The following USH2A variants were observed in gnomAD, a reference collection of about 807,000 sequenced individuals.
USH2A encodes the protein usherin, also known as Usher syndrome 2A (autosomal recessive, mild).
A neutral mutation model predicts 538.9 loss-of-function variants in USH2A; 443 were observed. That is an observed-to-expected ratio of 0.82 (90% CI 0.76 to 0.89). The LOEUF is 0.89. USH2A is among the 40% of genes least tolerant of loss of function. The pLI is 0.00. For missense variants in USH2A, 6,633 were observed against 6,324.8 expected (o/e 1.05, Z -1.65); for synonymous variants, 2,413 against 2,273.5 (o/e 1.06, Z -1.75).
At chr1:216,196,811 C>T in intron 18 of USH2A, 89 bp from the exon 19 acceptor site, 1 of 1,412,730 alleles carries the variant, frequency 7.1e-7, no homozygotes, top group Non-Finnish European at 9.8e-7. Flanking sequence ...CATTTAGTTT[C>T]TGAAATACCT....
intron 37 of USH2A, among the ~76,000 whole-genome samples, chr1:215,939,852 A>ACAGC (rs1348424044): frequency 6.6e-6 from 1 of 151,972 alleles, no homozygotes; most frequent in Non-Finnish European, 1.5e-5. Context: ...TCTCCTTTTT[A>ACAGC]CAGCCTTATT....
At chr1:216,249,939 G>A (rs1252179515) in intron 12 of USH2A, among the ~76,000 whole-genome samples, 2 of 151,920 alleles carry the variant, frequency 1.3e-5, no homozygotes, top group Non-Finnish European at 2.9e-5. Context: ...ACTATTGTAA[G>A]GTTCAGGTCA....
chr1:215,717,167 C>T (rs1659509701), intron 61 of USH2A, among the ~76,000 whole-genome samples: 1 of 152,142 alleles, frequency 6.6e-6, no homozygotes, highest in Admixed American at 6.5e-5. Context: ...TCCTTATTGG[C>T]TCTTAGACAA....
At chr1:216,357,747 C>T (rs2038415945) in intron 4 of USH2A, among the ~76,000 whole-genome samples, 1 of 152,070 alleles carries the variant, frequency 6.6e-6, no homozygotes, top group Admixed American at 6.6e-5. Flanking sequence ...TCAGAAATAA[C>T]TGGGAAAAGT....
At chr1:216,163,480 A>G (rs573094964) in intron 21 of USH2A, among the ~76,000 whole-genome samples, 15 of 151,592 alleles carry the variant, frequency 9.9e-5, no homozygotes, top group East Asian at 3.9e-4. Context: ...TTTTTATTTT[A>G]TTTATCTTAT....
At chr1:216,341,036 G>C (rs920646777) in intron 4 of USH2A, among the ~76,000 whole-genome samples, 1 of 152,074 alleles carries the variant, frequency 6.6e-6, no homozygotes, top group African/African-American at 2.4e-5. Context: ...ATTCAAACAG[G>C]AAGAGAGGAA....
intron 5 of USH2A, among the ~76,000 whole-genome samples, chr1:216,326,611 C>G (rs1411940047): frequency 1.3e-5 from 2 of 152,114 alleles, no homozygotes; most frequent in African/African-American, 4.8e-5. Flanking sequence ...TATAGTAAGG[C>G]TTTTGGCAGT....
Position 215,776,245 on chromosome 1 carries a change from A to T in USH2A, c.10939+3598T>A, listed in dbSNP as rs545621750. On this transcript the variant is annotated intron_variant, in intron 55 of 71. Transcript: ENST00000307340. ...TGTTTGCATTAGCGAATATGAGAAG[A>T]TGATGGCTGCTACTCCTTCGTCCCC... is the stretch of plus-strand genomic sequence containing the variant. 5.6e-4 allele frequency among the ~76,000 whole-genome samples: 86 copies of T among 152,310 alleles called. 1 individual carries two copies. The Middle Eastern group carries it at 0.01, about 18-fold the overall frequency.
intron 61 of USH2A, 121 bp from the exon 62 acceptor site, chr1:215,680,497 C>A: frequency 1.1e-6 from 1 of 881,554 alleles, no homozygotes; most frequent in East Asian, 2.5e-5. Flanking sequence ...GCAAACACTA[C>A]AGCAGAGTTT....
At chr1:216,240,407 A>G (rs1280695370) in intron 13 of USH2A, among the ~76,000 whole-genome samples, 1 of 151,458 alleles carries the variant, frequency 6.6e-6, no homozygotes, top group Non-Finnish European at 1.5e-5. Context: ...ATGAGTCTAG[A>G]TGTTGCTATG....
At chr1:215,629,414 A>G (rs1301289200) in intron 70 of USH2A, among the ~76,000 whole-genome samples, 5 of 152,148 alleles carry the variant, frequency 3.3e-5, no homozygotes, top group Non-Finnish European at 7.3e-5. Flanking sequence ...TTCTTCATAC[A>G]TGTCAGCACA....
chr1:215,669,831 T>TA (rs1207608240), intron 64 of USH2A, among the ~76,000 whole-genome samples: 1 of 152,256 alleles, frequency 6.6e-6, no homozygotes, highest in Non-Finnish European at 1.5e-5. Context: ...TTTTCATGCT[T>TA]AAAATGTTCC....
At chr1:215,876,339 A>G (rs1190653205) in intron 43 of USH2A, among the ~76,000 whole-genome samples, 1 of 152,224 alleles carries the variant, frequency 6.6e-6, no homozygotes, top group Non-Finnish European at 1.5e-5. Context: ...TGAGAATCTT[A>G]CAAGAACTAG....
intron 32 of USH2A, among the ~76,000 whole-genome samples, chr1:216,009,796 G>A (rs184155770): frequency 1.4e-4 from 22 of 152,122 alleles, no homozygotes; most frequent in African/African-American, 3.1e-4. Flanking sequence ...TTACAGTTTC[G>A]TTCCATGACT....
intron 4 of USH2A, among the ~76,000 whole-genome samples, chr1:216,334,398 T>C (rs1020370680): frequency 5.3e-5 from 8 of 151,706 alleles, no homozygotes; most frequent in Non-Finnish European, 7.4e-5. Flanking sequence ...AAGAAGACAG[T>C]GAAAGAATAG....
chr1:216,033,722 GC>G (rs1416687610), intron 32 of USH2A, among the ~76,000 whole-genome samples: 6 of 151,996 alleles, frequency 3.9e-5, no homozygotes, highest in African/African-American at 2.4e-5. Context: ...TGCACCTGTG[GC>G]CCCAGCTACT....
At chr1:215,697,228 G>A (rs990621813) in intron 61 of USH2A, among the ~76,000 whole-genome samples, 4 of 151,892 alleles carry the variant, frequency 2.6e-5, no homozygotes, top group Non-Finnish European at 5.9e-5. Flanking sequence ...CACAGTGTTA[G>A]GATTACAGGT....
chr1:216,082,874 A>G (rs2031997077), intron 26 of USH2A, among the ~76,000 whole-genome samples: 1 of 152,112 alleles, frequency 6.6e-6, no homozygotes, highest in Non-Finnish European at 1.5e-5. Flanking sequence ...GTATAAAACC[A>G]ATTTTATAAA....
rs548619228 is a variant in USH2A, at chr1:216,285,272, C to T, written c.1971+4008G>A. On this transcript the variant is annotated intron_variant, in intron 11 of 71. Coordinates refer to ENST00000307340, the MANE Select transcript of USH2A (RefSeq NM_206933.4). ...TGTGTGCAGTCTAGGGACTTGGTGC[C>T]GTGTCCCAACTGCTCCAGCTATGGC... Among the ~76,000 whole-genome samples, 150 of 152,306 alleles carry T rather than the reference C, an allele frequency of 9.8e-4. 1 individual carries two copies. The highest frequency in any genetic ancestry group is 3.5e-3 in the African/African-American group (144 of 41,582).
Sources: gnomAD v4.1 joint callset for allele counts (sites outside exome capture counted in the v4.1 genomes callset) on GRCh38, gnomAD v4.1.1 for gene constraint, MANE v1.5 for transcripts, NCBI Gene and HGNC (gene_info 2026-07-23, HGNC 2026-07-21) for gene names.